The following ESYT2 variants were observed in gnomAD, a reference collection of about 807,000 sequenced individuals.
ESYT2 encodes extended synaptotagmin-2.
In ESYT2, 54 loss-of-function variants were observed where a neutral mutation model predicts 107.2. The observed-to-expected ratio is 0.50, with a 90% CI of 0.40 to 0.63. The LOEUF (loss-of-function observed/expected upper bound fraction) is 0.63. ESYT2 is among the 30% of genes least tolerant of loss of function. The pLI is 0.00. For synonymous variants in ESYT2, 491 were observed against 434.1 expected (o/e 1.13, Z -1.63); for missense variants, 1,020 against 1,094.5 (o/e 0.93, Z 0.96).
rs575931848 is a variant in ESYT2, at chr7:158,812,067, G to A, written c.331-12995C>T. Among the ~76,000 whole-genome samples, 8 of 152,316 alleles carry A rather than the reference G, an allele frequency of 5.3e-5. No homozygotes were observed. The East Asian group carries it at 1.4e-3, about 26-fold the overall frequency. Reference sequence around the variant, plus strand: ...AACATCTGGAGGGCTGGGCCTTACAGCAGAGAGTATCAGAGGCAGCCACAG... The same window carrying A: ...AACATCTGGAGGGCTGGGCCTTACAACAGAGAGTATCAGAGGCAGCCACAG... On this transcript the variant is annotated intron_variant, in intron 1 of 22. Transcript: ENST00000275418.
intron 1 of ESYT2, among the ~76,000 whole-genome samples, chr7:158,825,776 A>T (rs1014607391): frequency 1.3e-5 from 2 of 152,226 alleles, no homozygotes; most frequent in African/African-American, 4.8e-5. Context: ...TCAACGACAC[A>T]CTATGAAAAC....
Position 158,829,107 on chromosome 7 carries a change from G to A in ESYT2, c.312C>T (p.Ala104=). Residue 104 remains alanine (A), a synonymous_variant, in exon 1 of 23, where the codon GCC becomes GCT. Coordinates refer to ENST00000275418, the MANE Select transcript of ESYT2 (RefSeq NM_001367773.1). Reference sequence around the variant, plus strand: ...CACTCACCCAGGCGGGCAGGTCGCAGGCGCGCACCCCCAGGCGCACGACGC... The same window carrying A: ...CACTCACCCAGGCGGGCAGGTCGCAAGCGCGCACCCCCAGGCGCACGACGC... ...EERVVRLGVR[A]CDLPAWVHFP... 6.3e-7 allele frequency: 1 copy of A among 1,582,292 alleles called. No individual in the cohort carries two copies. The highest frequency in any genetic ancestry group is 1.1e-5 in the South Asian group (1 of 89,314).
chr7:158,773,122 C>T (rs1434995959), intron 7 of ESYT2, among the ~76,000 whole-genome samples: 1 of 152,148 alleles, frequency 6.6e-6, no homozygotes. Context: ...AGCTGGCACT[C>T]CAGAGCCCTC....
intron 6 of ESYT2, among the ~76,000 whole-genome samples, chr7:158,781,224 G>C (rs1838780950): frequency 6.6e-6 from 1 of 152,050 alleles, no homozygotes; most frequent in Non-Finnish European, 1.5e-5. Flanking sequence ...AGAACAGTGT[G>C]AGGTGTGTGT....
intron 2 of ESYT2, 82 bp downstream of exon 2, chr7:158,798,949 A>G (rs1423630957): frequency 4.2e-6 from 6 of 1,421,610 alleles, no homozygotes; most frequent in Non-Finnish European, 4.9e-6. Flanking sequence ...TATTACCAAC[A>G]TGCAAATCCC....
chr7:158,807,230 G>A lies in ESYT2; in HGVS notation c.331-8158C>T, dbSNP rs186849945. On this transcript the variant is annotated intron_variant, in intron 1 of 22. Transcript: ENST00000275418. ...CGCACCACTGCACTCCAGCCTGGGCGACAGAGCAAGACTCCGTCTGAAGGA... is the reference window on the plus strand; with the variant it reads ...CGCACCACTGCACTCCAGCCTGGGCAACAGAGCAAGACTCCGTCTGAAGGA... Among the ~76,000 whole-genome samples, 493 of 121,932 alleles carry A rather than the reference G, an allele frequency of 4.0e-3. 7 individuals carry two copies. Among genetic ancestry groups the A allele is most frequent in the African/African-American group, 0.012 (379 of 31,220 alleles). The allele number at this position is 121,932 out of a possible 152,430, so 80.0% of individuals were successfully genotyped here. A position where few individuals can be genotyped will look rare whatever the true frequency, so the allele number is the denominator to read the frequency against.
At chr7:158,737,559 CTG>C (rs1164628298) in intron 19 of ESYT2, among the ~76,000 whole-genome samples, 1 of 152,166 alleles carries the variant, frequency 6.6e-6, no homozygotes, top group Non-Finnish European at 1.5e-5. Flanking sequence ...CAGAAGGGGG[CTG>C]CTCCTTTGCA....
chr7:158,740,120 C>T (rs1418406936), intron 18 of ESYT2, among the ~76,000 whole-genome samples: 1 of 152,202 alleles, frequency 6.6e-6, no homozygotes, highest in Admixed American at 6.5e-5. Flanking sequence ...CTTTGACTGA[C>T]GAGAGGCTGA....
chr7:158,814,333 A>C (rs1187209943), intron 1 of ESYT2, among the ~76,000 whole-genome samples: 3 of 6,600 alleles, frequency 4.5e-4, no homozygotes, highest in South Asian at 3.5e-3. Flanking sequence ...ATATATATAT[A>C]TATATATATA....
At chr7:158,773,426 T>C (rs1441630854) in intron 6 of ESYT2, 30 bp from the exon 7 acceptor site, 1 of 1,611,422 alleles carries the variant, frequency 6.2e-7, no homozygotes, top group Non-Finnish European at 8.5e-7. Context: ...AAATATTAAG[T>C]TCCAAACAAT....
At chr7:158,816,086 A>C (rs1324660558) in intron 1 of ESYT2, among the ~76,000 whole-genome samples, 1 of 152,228 alleles carries the variant, frequency 6.6e-6, no homozygotes, top group Non-Finnish European at 1.5e-5. Flanking sequence ...TCGCTGGTGG[A>C]GGACTATCCA....
At chr7:158,767,096 G>C (rs1225840902) in intron 8 of ESYT2, among the ~76,000 whole-genome samples, 1 of 152,194 alleles carries the variant, frequency 6.6e-6, no homozygotes, top group Non-Finnish European at 1.5e-5. Context: ...ACCCATAAAA[G>C]CAAAGCTACA....
At chr7:158,762,200 G>A (rs1837994187) in intron 10 of ESYT2, among the ~76,000 whole-genome samples, 2 of 151,994 alleles carry the variant, frequency 1.3e-5, no homozygotes, top group Non-Finnish European at 2.9e-5. Context: ...ACTTCTTCTT[G>A]TAGCCTCTTC....
At chr7:158,798,913 C>T (rs1401321228) in intron 2 of ESYT2, 118 bp downstream of exon 2, 7 of 926,538 alleles carry the variant, frequency 7.6e-6, no homozygotes, top group Non-Finnish European at 1.2e-5. Flanking sequence ...CAGAAGCCAA[C>T]CCACTAAAGT....
chr7:158,775,477 G>C lies in ESYT2; in HGVS notation c.748-2081C>G, dbSNP rs181996405. On this transcript the variant is annotated intron_variant, in intron 6 of 22. Coordinates refer to ENST00000275418, the MANE Select transcript of ESYT2 (RefSeq NM_001367773.1). Reference sequence around the variant, plus strand: ...ACTCCTTTATCAACTAAATTTATGTGATATTCTAAATCGCTTATTGTCATT... The same window carrying C: ...ACTCCTTTATCAACTAAATTTATGTCATATTCTAAATCGCTTATTGTCATT... Among the ~76,000 whole-genome samples the C allele has an allele frequency of 4.2e-3, 639 of 152,314 alleles. 6 individuals are homozygous for C. The highest frequency in any genetic ancestry group is 0.014 in the African/African-American group (581 of 41,564).
In ESYT2 at chr7:158,764,597, C is replaced by T. The variant is rs534482891; in HGVS notation, c.1101+80G>A. ...CTAAATGAGCCACACTCCCACGTGA[C>T]TGTGCTGGAATGAGAGCTTGGCCAT... is the stretch of plus-strand genomic sequence containing the variant. On this transcript the variant is annotated intron_variant, in intron 9 of 22. Coordinates refer to ENST00000275418, the MANE Select transcript of ESYT2 (RefSeq NM_001367773.1). 80 of 1,408,198 alleles carry T rather than the reference C, an allele frequency of 5.7e-5. No individual in the cohort carries two copies. The South Asian group carries it at 9.6e-4, about 17-fold the overall frequency. The allele number at this position is 1,408,198 out of a possible 1,614,324, so 87.2% of individuals were successfully genotyped here. A position where few individuals can be genotyped will look rare whatever the true frequency, so the allele number is the denominator to read the frequency against.
intron 1 of ESYT2, among the ~76,000 whole-genome samples, chr7:158,808,620 G>A (rs774995933): frequency 5.3e-5 from 8 of 152,164 alleles, no homozygotes; most frequent in Non-Finnish European, 1.0e-4. Context: ...TAGTTTTGCT[G>A]TCACATGTCA....
At chr7:158,809,192 G>T (rs1027115191) in intron 1 of ESYT2, among the ~76,000 whole-genome samples, 1 of 151,688 alleles carries the variant, frequency 6.6e-6, no homozygotes, top group East Asian at 2.0e-4. Context: ...CAAAAGTGAC[G>T]GGGCGTGGTG....
chr7:158,757,280 A>AT (rs1837790897), intron 13 of ESYT2, among the ~76,000 whole-genome samples: 1 of 152,244 alleles, frequency 6.6e-6, no homozygotes, highest in Admixed American at 6.5e-5. Flanking sequence ...TCCAGTCCAC[A>AT]TTCTGGCAGT....
Sources: allele counts gnomAD v4.1 joint callset (sites outside exome capture counted in the v4.1 genomes callset), GRCh38; gene constraint gnomAD v4.1.1; transcripts MANE v1.5; gene names NCBI Gene and HGNC (gene_info 2026-07-23, HGNC 2026-07-21).